The following ABAT variants were observed in gnomAD, a reference collection of about 807,000 sequenced individuals.
ABAT encodes the protein 4-aminobutyrate aminotransferase, mitochondrial.
A neutral mutation model predicts 64.6 loss-of-function variants in ABAT; 45 were observed. The ratio of observed to expected loss-of-function variants is 0.70; its 90% confidence interval spans 0.55 to 0.89. ABAT has a LOEUF of 0.89. ABAT is among the 40% of genes least tolerant of loss of function. ABAT has a pLI of 0.00. For missense variants in ABAT, 633 were observed against 658.4 expected, an observed-to-expected ratio of 0.96 and a Z score of 0.42; for synonymous variants, 297 against 250.5, an observed-to-expected ratio of 1.19 and a Z score of -1.75.
chr16:8,715,420 C>T (rs571252140), intron 1 of ABAT: 3 of 151,960 alleles, frequency 2.0e-5, no homozygotes, highest in African/African-American at 7.3e-5. Flanking sequence ...GAGTTAGAGA[C>T]TAGCCTCAGG....
At chr16:8,717,757 A>G (rs1485481247) in intron 1 of ABAT, among the ~76,000 whole-genome samples, 12 of 152,198 alleles carry the variant, frequency 7.9e-5, no homozygotes, top group Admixed American at 7.2e-4. Flanking sequence ...TATTGGGTAA[A>G]AAGAAACTGA....
chr16:8,754,663 TTTATTTATTTCTTTCTTTCTTTCTTTC>T (rs1455900376), intron 5 of ABAT, among the ~76,000 whole-genome samples: 4 of 22,188 alleles, frequency 1.8e-4, no homozygotes, highest in African/African-American at 3.0e-4. Flanking sequence ...AGCAAGTTGA[TTTATTTATTTCTTTCTTTCTTTCTTTC>T]TTTCTTTCTT....
At chr16:8,772,274 G>C (rs924274344) in intron 11 of ABAT, among the ~76,000 whole-genome samples, 18 of 79,986 alleles carry the variant, frequency 2.3e-4, no homozygotes, top group African/African-American at 7.7e-4. Flanking sequence ...GTGTGTGTGT[G>C]TGTGTGTGTG....
intron 1 of ABAT, among the ~76,000 whole-genome samples, chr16:8,716,451 G>A (rs759303639): frequency 6.6e-6 from 1 of 152,134 alleles, no homozygotes; most frequent in African/African-American, 2.4e-5. Flanking sequence ...CTGCAGTCGT[G>A]ATCCCAGCAC....
At chr16:8,767,022 G>A (rs1002804900) in intron 9 of ABAT, among the ~76,000 whole-genome samples, 1 of 152,184 alleles carries the variant, frequency 6.6e-6, no homozygotes, top group Admixed American at 6.5e-5. Flanking sequence ...ATCTGTGGGA[G>A]GAGTTCTTAG....
rs2060480467 is a variant in ABAT, at chr16:8,783,271, GA to G, written c.*1842del. ...TGCGGAGCATCGGGAATACAAAGATGAGATAAAACATTGTCCCTGCCCCCGG... is the reference window on the plus strand; with the variant it reads ...TGCGGAGCATCGGGAATACAAAGATGGATAAAACATTGTCCCTGCCCCCGG... On this transcript the variant is annotated 3_prime_UTR_variant, in exon 16 of 16. Coordinates refer to ENST00000268251, the MANE Select transcript of ABAT (RefSeq NM_020686.6). 6.6e-6 allele frequency: 1 copy of G among 152,070 alleles called. No individual in the cohort carries two copies. The highest frequency in any genetic ancestry group is 1.5e-5 in the Non-Finnish European group (1 of 68,018). 9.4% of individuals were successfully genotyped at this position (152,070 alleles called of 1,614,324 possible). A position where few individuals can be genotyped will look rare whatever the true frequency, so the allele number is the denominator to read the frequency against.
intron 15 of ABAT, chr16:8,780,579 G>A (rs954522919): frequency 1.3e-5 from 2 of 156,862 alleles, no homozygotes; most frequent in Admixed American, 6.1e-5. Context: ...CTGGCCAACG[G>A]GGCAAAACCT....
chr16:8,768,178 A>G lies in ABAT; in HGVS notation c.604-15A>G. On this transcript the variant is annotated splice_polypyrimidine_tract_variant and intron_variant, in intron 9 of 15. Coordinates refer to ENST00000268251, the MANE Select transcript of ABAT (RefSeq NM_020686.6). ...CTTACAACTATGACTAATGACTGATATTTCTTGGTTTTAGGCCCCTGGCTG... is the reference window on the plus strand; with the variant it reads ...CTTACAACTATGACTAATGACTGATGTTTCTTGGTTTTAGGCCCCTGGCTG... 3 of 1,613,188 alleles carry G rather than the reference A, an allele frequency of 1.9e-6. No homozygotes were observed. Among genetic ancestry groups the G allele is most frequent in the Middle Eastern group, 1.7e-4 (1 of 6,034 alleles).
rs1052469616 is a variant in ABAT at position 8,768,932 on chromosome 16, G to A, written c.775G>A (p.Val259Met). ...GCTGAAATACCCTCTGGAAGAGTTT[G>A]TGAAAGAGAACCAACAGGAGGAGGC... ...PRLKYPLEEF[V>M]KENQQEEARC... is the part of the protein sequence containing the mutation. Residue 259 changes from valine (V) to methionine (M), a missense_variant, in exon 11 of 16, where the codon GTG (valine) becomes ATG (methionine). Transcript: ENST00000268251. 1 of 1,614,172 alleles carries A rather than the reference G, an allele frequency of 6.2e-7. No individual in the cohort carries two copies. The highest frequency in any genetic ancestry group is 2.2e-5 in the East Asian group (1 of 44,874).
At chr16:8,711,415 C>T (rs1219632586) in intron 1 of ABAT, among the ~76,000 whole-genome samples, 1 of 151,972 alleles carries the variant, frequency 6.6e-6, no homozygotes, top group Non-Finnish European at 1.5e-5. Flanking sequence ...AATTCCGTGG[C>T]GTGGTGGTGA....
chr16:8,750,600 C>T (rs894316593), intron 5 of ABAT, 61 bp downstream of exon 5: 3 of 1,492,138 alleles, frequency 2.0e-6, no homozygotes, highest in African/African-American at 2.8e-5. Flanking sequence ...CTAGTCGTGG[C>T]TATCCAGGTA....
At chr16:8,747,977 G>T (rs8055737) in intron 3 of ABAT, 131 bp from the exon 4 acceptor site, 185,335 of 795,840 alleles carry the variant, frequency 0.23, 23,006 homozygotes, top group African/African-American at 0.4. Context: ...AAAGTAATAT[G>T]GTTGACTAAT....
intron 1 of ABAT, among the ~76,000 whole-genome samples, chr16:8,706,408 A>AG (rs59434060): frequency 0.027 from 3,988 of 145,292 alleles, 170 homozygotes; most frequent in African/African-American, 0.095. Flanking sequence ...CTGTTTCAAA[A>AG]AAAAAAAAAA....
intron 2 of ABAT, among the ~76,000 whole-genome samples, chr16:8,741,799 G>A (rs1318758875): frequency 6.6e-6 from 1 of 152,192 alleles, no homozygotes; most frequent in Non-Finnish European, 1.5e-5. Context: ...AAGAACCTGG[G>A]TTCCAATGCT....
intron 1 of ABAT, among the ~76,000 whole-genome samples, chr16:8,716,097 C>A (rs1238424177): frequency 2.0e-5 from 3 of 152,172 alleles, no homozygotes; most frequent in Non-Finnish European, 1.5e-5. Flanking sequence ...TATCTCATTT[C>A]ATCCTCAGAG....
Position 8,764,654 on chromosome 16 carries a change from T to C in ABAT, c.448-84T>C, listed in dbSNP as rs1210485405. 2.3e-6 allele frequency: 3 copies of C among 1,304,698 alleles called. No homozygotes were observed. The Admixed American group carries it at 5.1e-5, about 22-fold the overall frequency. The allele number at this position is 1,304,698 out of a possible 1,614,324, so 80.8% of individuals were successfully genotyped here. A position where few individuals can be genotyped will look rare whatever the true frequency, so the allele number is the denominator to read the frequency against. ...TTCTGTCTGTCCCCGGTACGGCCCCTGCGAAGATTCAGCTCCAGCCAGGGG... is the reference window on the plus strand; with the variant it reads ...TTCTGTCTGTCCCCGGTACGGCCCCCGCGAAGATTCAGCTCCAGCCAGGGG... On this transcript the variant is annotated intron_variant, in intron 7 of 15. Transcript: ENST00000268251. This position sits in a 1 kb window ranked among gnomAD's most constrained non-coding sequence, Gnocchi z 4.2.
intron 1 of ABAT, among the ~76,000 whole-genome samples, chr16:8,724,484 C>A (rs2058476000): frequency 6.6e-6 from 1 of 152,118 alleles, no homozygotes; most frequent in Non-Finnish European, 1.5e-5. Context: ...GTAATCCCAG[C>A]ACTTTGGGAG....
chr16:8,677,085 G>T (rs535228778), intron 1 of ABAT, among the ~76,000 whole-genome samples: 2 of 152,274 alleles, frequency 1.3e-5, no homozygotes, highest in East Asian at 3.9e-4. Context: ...GGTCCCTGGA[G>T]ACCTCTTATC....
chr16:8,677,754 G>A (rs1002276536), intron 1 of ABAT, among the ~76,000 whole-genome samples: 1 of 152,154 alleles, frequency 6.6e-6, no homozygotes, highest in Non-Finnish European at 1.5e-5. Flanking sequence ...TCGCTATTGA[G>A]AACTGCTGGT....
Sources: gnomAD v4.1 joint callset for allele counts (sites outside exome capture counted in the v4.1 genomes callset) on GRCh38, gnomAD v4.1.1 for gene constraint, Gnocchi (gnomAD v3.1) non-coding constraint, MANE v1.5 for transcripts, NCBI Gene and HGNC (gene_info 2026-07-23, HGNC 2026-07-21) for gene names.